KLHL29: variants seen among roughly 807,000 people sequenced by gnomAD.
KLHL29 encodes kelch-like protein 29.
KLHL29 carries 21 observed loss-of-function variants against 80.4 expected under a neutral mutation model. The ratio of observed to expected loss-of-function variants is 0.26; its 90% CI spans 0.19 to 0.38. The LOEUF (loss-of-function observed/expected upper bound fraction) is 0.38. KLHL29 is among the 10% of genes least tolerant of loss of function. The pLI, the probability that KLHL29 is intolerant of heterozygous loss-of-function variation, is 1.00. For missense variants in KLHL29, 867 were observed against 1,223.9 expected, an observed-to-expected ratio of 0.71 and a Z score of 4.35; for synonymous variants, 511 against 526.8, an observed-to-expected ratio of 0.97 and a Z score of 0.41.
At chr2:23,545,445 T>C (rs937182227) in intron 2 of KLHL29, among the ~76,000 whole-genome samples, 3 of 152,192 alleles carry the variant, frequency 2.0e-5, no homozygotes, top group Admixed American at 6.5e-5. Flanking sequence ...AAATGCTCCC[T>C]GCTTCCCCTT....
chr2:23,614,619 C>T (rs1448857294), intron 3 of KLHL29, among the ~76,000 whole-genome samples: 1 of 152,072 alleles, frequency 6.6e-6, no homozygotes, highest in Non-Finnish European at 1.5e-5. Context: ...TCTTCAGAAT[C>T]ACACACATAA....
Position 23,596,659 on chromosome 2 carries a change from G to A in KLHL29, c.285+34178G>A, listed in dbSNP as rs1668400786. Among the ~76,000 whole-genome samples, 1 of 152,162 alleles carries A rather than the reference G, an allele frequency of 6.6e-6. No individual in the cohort carries two copies. The highest frequency in any genetic ancestry group is 1.5e-5 in the Non-Finnish European group (1 of 68,032). On this transcript the variant is annotated intron_variant, in intron 3 of 13. Transcript: ENST00000486442. This position sits in a 1 kb window ranked among gnomAD's most constrained non-coding sequence, Gnocchi z 4.4. ...GCCATCGTGGGAATGTGCCTCTTTA[G>A]CACGCCTTTAACCCCTATCCTGCAA...
chr2:23,673,480 C>T (rs986093947), intron 5 of KLHL29, among the ~76,000 whole-genome samples: 1 of 151,292 alleles, frequency 6.6e-6, no homozygotes, highest in African/African-American at 2.4e-5. Context: ...GGCACATTCA[C>T]AGGGATGCAT....
chr2:23,592,266 C>T (rs1189379546), intron 3 of KLHL29, among the ~76,000 whole-genome samples: 6 of 152,168 alleles, frequency 3.9e-5, no homozygotes, highest in African/African-American at 1.4e-4. Context: ...GACCCCGGCT[C>T]CAGGGCCCCA....
At position 23,627,646 on chromosome 2, in the gene KLHL29, C is replaced by T. The variant is rs1669350248; in HGVS notation, c.286-11493C>T. Among the ~76,000 whole-genome samples the T allele has an allele frequency of 3.3e-5, 5 of 152,298 alleles. No individual in the cohort carries two copies. The South Asian group carries it at 8.3e-4, about 25-fold the overall frequency. On this transcript the variant is annotated intron_variant, in intron 3 of 13. Coordinates refer to ENST00000486442, the MANE Select transcript of KLHL29 (RefSeq NM_052920.2). ...TGCTGCCCTGTTTGTCTCTTTGTCTCGCTGCCCCTCGGTGTGACTCTGCCG... is the reference window on the plus strand; with the variant it reads ...TGCTGCCCTGTTTGTCTCTTTGTCTTGCTGCCCCTCGGTGTGACTCTGCCG...
intron 2 of KLHL29, among the ~76,000 whole-genome samples, chr2:23,495,524 G>A (rs1053783286): frequency 6.6e-5 from 10 of 152,168 alleles, no homozygotes; most frequent in African/African-American, 2.2e-4. Context: ...GCCCTGGGTG[G>A]CAGTGGGTAT....
Position 23,681,419 on chromosome 2 carries a change from G to A in KLHL29, c.941-2980G>A, listed in dbSNP as rs963504949. Among the ~76,000 whole-genome samples, 28 of 152,222 alleles carry A rather than the reference G, an allele frequency of 1.8e-4. No individual in the cohort carries two copies. Among genetic ancestry groups the A allele is most frequent in the African/African-American group, 6.5e-4 (27 of 41,454 alleles). ...TCCTGGAGCAGAAGGTGTCACGGCC[G>A]GGGCTGGGGCTTTAGATAGAATCAT... On this transcript the variant is annotated intron_variant, in intron 5 of 13. Transcript: ENST00000486442. The surrounding 1 kb of genome is among the most constrained non-coding windows in gnomAD (Gnocchi z 4.2).
intron 1 of KLHL29, among the ~76,000 whole-genome samples, chr2:23,416,748 C>T (rs971278326): frequency 2.0e-5 from 3 of 152,210 alleles, no homozygotes; most frequent in African/African-American, 7.2e-5. Flanking sequence ...TTCCTGGCCA[C>T]GTTCCCTTTT....
intron 3 of KLHL29, among the ~76,000 whole-genome samples, chr2:23,563,409 C>T (rs1381052190): frequency 2.0e-5 from 3 of 152,242 alleles, no homozygotes; most frequent in Non-Finnish European, 4.4e-5. Context: ...CTGCCTTTGC[C>T]TCTGCTGGCC....
chr2:23,463,003 T>G (rs777395786), intron 1 of KLHL29, among the ~76,000 whole-genome samples: 23 of 151,482 alleles, frequency 1.5e-4, no homozygotes, highest in Non-Finnish European at 3.2e-4. Flanking sequence ...AATGTTAATT[T>G]AGAAATATTT....
rs780532900 is a variant in KLHL29 at position 23,696,889 on chromosome 2, T to A, written c.2105+376T>A. ...GCACCATGAGCACCAGCCCAGAGAC[T>A]GCTGGGGTTTCGGGCAAAGCTGGAA... is the stretch of plus-strand genomic sequence containing the variant. On this transcript the variant is annotated intron_variant, in intron 11 of 13. Coordinates refer to ENST00000486442, the MANE Select transcript of KLHL29 (RefSeq NM_052920.2). The surrounding 1 kb of genome is among the most constrained non-coding windows in gnomAD (Gnocchi z 5.5). 3 of 183,772 alleles carry A rather than the reference T, an allele frequency of 1.6e-5. No homozygotes were observed. The highest frequency in any genetic ancestry group is 2.3e-5 in the Non-Finnish European group (2 of 87,912). The allele number at this position is 183,772 out of a possible 1,614,324, so 11.4% of individuals were successfully genotyped here. A position where few individuals can be genotyped will look rare whatever the true frequency, so the allele number is the denominator to read the frequency against.
chr2:23,471,697 C>T (rs1051854386), intron 1 of KLHL29, among the ~76,000 whole-genome samples: 1 of 152,058 alleles, frequency 6.6e-6, no homozygotes, highest in Non-Finnish European at 1.5e-5. Flanking sequence ...TGTAGGCTGC[C>T]GTTTGATGAA....
chr2:23,477,473 G>T (rs1277632742), intron 2 of KLHL29, among the ~76,000 whole-genome samples: 1 of 152,276 alleles, frequency 6.6e-6, no homozygotes. Flanking sequence ...GGCTGGGCCA[G>T]GATCAGCCAC....
intron 3 of KLHL29, among the ~76,000 whole-genome samples, chr2:23,619,536 A>G (rs1331274138): frequency 6.6e-6 from 1 of 152,184 alleles, no homozygotes; most frequent in Non-Finnish European, 1.5e-5. Context: ...AGGGCAGCCG[A>G]AGCAGGCTGT....
intron 7 of KLHL29, 123 bp downstream of exon 7, chr2:23,691,999 G>A: frequency 2.2e-6 from 2 of 912,270 alleles, no homozygotes; most frequent in East Asian, 5.3e-5. Context: ...CTCACATGTG[G>A]CTGAGTTTGG....
chr2:23,554,338 C>G (rs887256990), intron 2 of KLHL29, among the ~76,000 whole-genome samples: 4 of 152,242 alleles, frequency 2.6e-5, no homozygotes, highest in African/African-American at 9.6e-5. Flanking sequence ...ACGTCTCCCC[C>G]AAATGAGGCA....
At chr2:23,390,924 G>A (rs1255536558) in intron 1 of KLHL29, among the ~76,000 whole-genome samples, 1 of 152,180 alleles carries the variant, frequency 6.6e-6, no homozygotes, top group African/African-American at 2.4e-5. Flanking sequence ...AAAGTGCTGG[G>A]ATTACAGGCA....
intron 1 of KLHL29, among the ~76,000 whole-genome samples, chr2:23,443,140 C>A (rs1390879317): frequency 6.6e-6 from 1 of 152,038 alleles, no homozygotes; most frequent in African/African-American, 2.4e-5. Flanking sequence ...GGATACCTAC[C>A]ACCTAGATTC....
chr2:23,403,565 G>T (rs1206268074), intron 1 of KLHL29, among the ~76,000 whole-genome samples: 2 of 152,104 alleles, frequency 1.3e-5, no homozygotes, highest in Non-Finnish European at 1.5e-5. Context: ...GTGCCCCCAA[G>T]TGGTCACATG....
Sources: allele counts gnomAD v4.1 joint callset (sites outside exome capture counted in the v4.1 genomes callset), GRCh38; gene constraint gnomAD v4.1.1; non-coding constraint Gnocchi (gnomAD v3.1); transcripts MANE v1.5; gene names NCBI Gene and HGNC (gene_info 2026-07-23, HGNC 2026-07-21).